The following SLC24A3 variants were observed in gnomAD, a reference collection of about 807,000 sequenced individuals.
SLC24A3 encodes sodium/potassium/calcium exchanger 3.
A neutral mutation model predicts 75.8 loss-of-function variants in SLC24A3; 28 were observed. That is an observed-to-expected ratio of 0.37 (90% CI 0.27 to 0.51). The LOEUF is 0.51. SLC24A3 is among the 20% of genes least tolerant of loss of function. SLC24A3 has a pLI of 0.94. For synonymous variants in SLC24A3, 372 were observed against 334.1 expected (o/e 1.11, Z -1.24); for missense variants, 663 against 847.8 (o/e 0.78, Z 2.71).
intron 2 of SLC24A3, among the ~76,000 whole-genome samples, chr20:19,370,424 A>G (rs966606491): frequency 5.3e-5 from 8 of 152,254 alleles, no homozygotes; most frequent in African/African-American, 1.9e-4. Flanking sequence ...CCAGGTCAGA[A>G]CTTTCAGGCA....
chr20:19,491,982 C>G (rs536002643), intron 2 of SLC24A3, among the ~76,000 whole-genome samples: 6 of 119,564 alleles, frequency 5.0e-5, no homozygotes, highest in African/African-American at 1.8e-4. Context: ...CAAGGGCCCC[C>G]CCTTCACCCC....
At chr20:19,532,472 G>A (rs550399635) in intron 3 of SLC24A3, among the ~76,000 whole-genome samples, 7 of 152,202 alleles carry the variant, frequency 4.6e-5, no homozygotes, top group Non-Finnish European at 7.3e-5. Flanking sequence ...AAATGAGCCC[G>A]GCTGTCTCTC....
At chr20:19,461,669 A>T (rs1987678151) in intron 2 of SLC24A3, among the ~76,000 whole-genome samples, 1 of 151,492 alleles carries the variant, frequency 6.6e-6, no homozygotes. Flanking sequence ...GGTAGCTGGG[A>T]TAACAAGTGC....
intron 2 of SLC24A3, among the ~76,000 whole-genome samples, chr20:19,332,708 G>T (rs1029717894): frequency 1.3e-5 from 2 of 152,126 alleles, no homozygotes; most frequent in Non-Finnish European, 2.9e-5. Flanking sequence ...GGTATTTGGG[G>T]GTTCCCAGCG....
At chr20:19,495,309 G>A (rs1988268079) in intron 2 of SLC24A3, among the ~76,000 whole-genome samples, 2 of 152,188 alleles carry the variant, frequency 1.3e-5, no homozygotes, top group Admixed American at 6.5e-5. Context: ...GCATTGGACT[G>A]GATGTACAAG....
intron 3 of SLC24A3, among the ~76,000 whole-genome samples, chr20:19,557,766 C>T (rs2030813074): frequency 6.6e-6 from 1 of 152,168 alleles, no homozygotes; most frequent in South Asian, 2.1e-4. Context: ...CAAATCTGTT[C>T]TAACAGTGAC....
chr20:19,452,376 ATGTGTGTGTGTGTGTGTG>A (rs34840970), intron 2 of SLC24A3, among the ~76,000 whole-genome samples: 9,166 of 113,100 alleles, frequency 0.081, 971 homozygotes, highest in African/African-American at 0.26. Flanking sequence ...CCTGTGGGGG[ATGTGTGTGTGTGTGTGTG>A]TGTGTGTGTG....
intron 6 of SLC24A3, among the ~76,000 whole-genome samples, chr20:19,599,462 G>A (rs1056556079): frequency 2.0e-5 from 3 of 152,078 alleles, no homozygotes; most frequent in African/African-American, 7.2e-5. Context: ...GGTCCCTCCC[G>A]TGCATCTGGA....
At chr20:19,335,108 T>C (rs1985099657) in intron 2 of SLC24A3, among the ~76,000 whole-genome samples, 1 of 152,230 alleles carries the variant, frequency 6.6e-6, no homozygotes, top group Non-Finnish European at 1.5e-5. Flanking sequence ...TTTTTAATAT[T>C]ATTTAATTTT....
intron 2 of SLC24A3, among the ~76,000 whole-genome samples, chr20:19,480,810 T>A (rs1019522868): frequency 1.3e-5 from 2 of 152,186 alleles, no homozygotes; most frequent in African/African-American, 4.8e-5. Flanking sequence ...TCATGAATAT[T>A]TGGGTCCTGG....
chr20:19,358,772 C>T (rs1484798790), intron 2 of SLC24A3, among the ~76,000 whole-genome samples: 1 of 152,192 alleles, frequency 6.6e-6, no homozygotes, highest in Admixed American at 6.5e-5. Context: ...AGTCGCTCCC[C>T]ACTTCCCCAG....
chr20:19,406,655 G>A, intron 2 of SLC24A3, among the ~76,000 whole-genome samples: 1 of 152,162 alleles, frequency 6.6e-6, no homozygotes, highest in Non-Finnish European at 1.5e-5. Flanking sequence ...CAGGAGACTG[G>A]CAGACAGACT....
intron 2 of SLC24A3, among the ~76,000 whole-genome samples, chr20:19,303,761 G>A (rs955464588): frequency 1.3e-5 from 2 of 152,166 alleles, no homozygotes; most frequent in African/African-American, 4.8e-5. Flanking sequence ...TGTGTTCCAA[G>A]GATGAGAAAA....
chr20:19,711,502 G>A (rs1025705423), intron 15 of SLC24A3, among the ~76,000 whole-genome samples: 1 of 144,666 alleles, frequency 6.9e-6, no homozygotes, highest in African/African-American at 2.6e-5. Context: ...ATGCACACAC[G>A]TGCATGCAAA....
intron 1 of SLC24A3, among the ~76,000 whole-genome samples, chr20:19,271,067 T>C (rs1983316509): frequency 2.0e-5 from 3 of 152,142 alleles, no homozygotes; most frequent in Admixed American, 6.5e-5. Flanking sequence ...AAGGCAGGCT[T>C]TGAGCAGAGA....
chr20:19,381,517 C>A (rs1986181604), intron 2 of SLC24A3, among the ~76,000 whole-genome samples: 1 of 152,172 alleles, frequency 6.6e-6, no homozygotes, highest in African/African-American at 2.4e-5. Context: ...AAAGGCCCCA[C>A]AGCAGAAGAC....
At position 19,533,526 on chromosome 20, in the gene SLC24A3, G is replaced by A. The variant is rs186799912; in HGVS notation, c.348+17962G>A. On this transcript the variant is annotated intron_variant, in intron 3 of 16. Transcript: ENST00000328041. ...GAAGAAGAGGCAATACCTATGTGGA[G>A]CCAGGTGAAGGGGTCAAGGAAGGGT... Among the ~76,000 whole-genome samples the A allele has an allele frequency of 1.1e-4, 16 of 152,288 alleles. No homozygotes were observed. The East Asian group carries it at 3.1e-3, about 29-fold the overall frequency.
At chr20:19,563,979 T>C (rs2030917584) in intron 3 of SLC24A3, among the ~76,000 whole-genome samples, 1 of 152,176 alleles carries the variant, frequency 6.6e-6, no homozygotes. Context: ...GACAGTTGAA[T>C]GAGTTTTGAA....
At chr20:19,308,237 A>G (rs1227657135) in intron 2 of SLC24A3, among the ~76,000 whole-genome samples, 2 of 152,192 alleles carry the variant, frequency 1.3e-5, no homozygotes, top group African/African-American at 4.8e-5. Context: ...TTGAAAGGAA[A>G]AGGTCTCTAG....
Sources: allele counts gnomAD v4.1 joint callset (sites outside exome capture counted in the v4.1 genomes callset), GRCh38; gene constraint gnomAD v4.1.1; transcripts MANE v1.5; gene names NCBI Gene and HGNC (gene_info 2026-07-23, HGNC 2026-07-21).